Variants in BRAF observed in about 807,000 individuals in gnomAD.
The protein encoded by BRAF is B-Raf proto-oncogene, serine/threonine kinase, also known as serine/threonine-protein kinase B-raf.
Under a neutral mutation model 104.6 loss-of-function variants are expected in BRAF, and 16 were observed. The observed-to-expected ratio is 0.15, with a 90% CI of 0.10 to 0.23. The LOEUF is 0.23. BRAF is among the 10% of genes least tolerant of loss of function. The probability of loss-of-function intolerance (pLI) is 1.00; values close to 1 mark genes in which losing one functional copy is unlikely to be tolerated. For synonymous variants in BRAF, 310 were observed against 341.6 expected (o/e 0.91, Z 1.02); for missense variants, 541 against 937.3 (o/e 0.58, Z 5.52).
Position 140,721,813 on chromosome 7 carries a change from A to T in BRAF, c.*4681T>A. 7.1e-7 allele frequency: 1 copy of T among 1,401,322 alleles called. No homozygotes were observed. Among genetic ancestry groups the T allele is most frequent in the Admixed American group, 2.9e-5 (1 of 35,074 alleles). The allele number at this position is 1,401,322 out of a possible 1,614,324, so 86.8% of individuals were successfully genotyped here. On this transcript the variant is annotated 3_prime_UTR_variant, in exon 20 of 20. Coordinates refer to ENST00000644969, the MANE Select transcript of BRAF (RefSeq NM_001374258.1). ...CTTTTACATCCAATGGCCAGGTCAT[A>T]AAGGATGCCTTGAGACCTCCACCCT...
At chr7:140,761,385 G>C (rs1798712909) in intron 14 of BRAF, among the ~76,000 whole-genome samples, 1 of 152,000 alleles carries the variant, frequency 6.6e-6, no homozygotes, top group East Asian at 1.9e-4. Context: ...ACTCCTGAAG[G>C]AAGCACTAAA....
At chr7:140,775,322 T>C (rs1800233454) in intron 14 of BRAF, among the ~76,000 whole-genome samples, 1 of 152,044 alleles carries the variant, frequency 6.6e-6, no homozygotes, top group Admixed American at 6.6e-5. Flanking sequence ...ATCTTTGCCA[T>C]GGTTTACTCT....
At chr7:140,856,256 T>A (rs530819345) in intron 1 of BRAF, among the ~76,000 whole-genome samples, 3 of 151,700 alleles carry the variant, frequency 2.0e-5, no homozygotes, top group African/African-American at 7.2e-5. Flanking sequence ...AAGGTGGGGT[T>A]GGGGGAGGAA....
Position 140,725,798 on chromosome 7 carries a change from CCT to C in BRAF, c.*694_*695del, listed in dbSNP as rs1795568744. Reference sequence around the variant, plus strand: ...TCTAGCCTGCTTGGTTAGACAGACCCCTCAGTGAGCAAGGAAACAAAAGGCCA... The same window carrying C: ...TCTAGCCTGCTTGGTTAGACAGACCCCAGTGAGCAAGGAAACAAAAGGCCA... On this transcript the variant is annotated 3_prime_UTR_variant, in exon 20 of 20. Coordinates refer to ENST00000644969, the MANE Select transcript of BRAF (RefSeq NM_001374258.1). 2 of 1,063,350 alleles carry C rather than the reference CCT, an allele frequency of 1.9e-6. No homozygotes were observed. The highest frequency in any genetic ancestry group is 1.0e-4 in the East Asian group (2 of 19,818). 65.9% of individuals were successfully genotyped at this position (1,063,350 alleles called of 1,614,324 possible).
At chr7:140,776,731 C>T (rs954306843) in intron 14 of BRAF, among the ~76,000 whole-genome samples, 181 bp downstream of exon 13, 2 of 152,160 alleles carry the variant, frequency 1.3e-5, no homozygotes, top group African/African-American at 2.4e-5. Flanking sequence ...GTTCTGAAGG[C>T]TGCACTAGAC....
intron 14 of BRAF, among the ~76,000 whole-genome samples, chr7:140,763,623 C>T (rs1466520492): frequency 6.6e-6 from 1 of 152,154 alleles, no homozygotes; most frequent in Admixed American, 6.5e-5. Context: ...ATATCACCAC[C>T]AATCCCACAG....
chr7:140,761,916 T>A (rs1798778049), intron 14 of BRAF, among the ~76,000 whole-genome samples: 1 of 152,116 alleles, frequency 6.6e-6, no homozygotes, highest in Non-Finnish European at 1.5e-5. Context: ...ACAAAGAGAC[T>A]TAGACTCCCA....
chr7:140,920,863 A>C (rs1818142140), intron 1 of BRAF, among the ~76,000 whole-genome samples: 1 of 152,234 alleles, frequency 6.6e-6, no homozygotes, highest in African/African-American at 2.4e-5. Flanking sequence ...GCACCTGTGA[A>C]TATATCTGTA....
Position 140,721,221 on chromosome 7 carries a change from TAAC to T in BRAF, c.*5270_*5272del, listed in dbSNP as rs1488968163. The T allele has an allele frequency of 9.2e-7, 1 of 1,086,950 alleles. No homozygotes were observed. The highest frequency in any genetic ancestry group is 1.1e-6 in the Non-Finnish European group (1 of 894,132). The allele number at this position is 1,086,950 out of a possible 1,614,324, so 67.3% of individuals were successfully genotyped here. On this transcript the variant is annotated 3_prime_UTR_variant, in exon 20 of 20. Coordinates refer to ENST00000644969, the MANE Select transcript of BRAF (RefSeq NM_001374258.1). Reference sequence around the variant, plus strand: ...AGCTGATTTAGTAATTAATAAAACTTAACAGTTGAAGTTGTGGATGTTAAATAA... The same window carrying T: ...AGCTGATTTAGTAATTAATAAAACTTAGTTGAAGTTGTGGATGTTAAATAA...
intron 1 of BRAF, among the ~76,000 whole-genome samples, chr7:140,879,485 T>G (rs1460332238): frequency 6.7e-6 from 1 of 148,574 alleles, no homozygotes; most frequent in East Asian, 2.0e-4. Context: ...CGGCCCACAA[T>G]TTTTAAATTA....
intron 10 of BRAF, 143 bp from the exon 10 acceptor site, chr7:140,783,300 A>C: frequency 1.0e-6 from 1 of 964,344 alleles, no homozygotes. Flanking sequence ...AGGATGGGCC[A>C]AAAAGGGGCC....
chr7:140,761,435 T>C (rs904431812), intron 14 of BRAF, among the ~76,000 whole-genome samples: 50 of 152,018 alleles, frequency 3.3e-4, no homozygotes, highest in African/African-American at 1.2e-3. Context: ...TGCAAAATCA[T>C]GCCAAAATGT....
rs566526425 is a variant in BRAF at position 140,910,399 on chromosome 7, G to A, written c.138+14167C>T. The stretch of plus-strand genomic sequence containing the variant: ...GTCTTCTTGATCTGTTATCCACTTT[G>A]GTGGTTAATCACGTGCTGCCATATG... On this transcript the variant is annotated intron_variant, in intron 1 of 19. Coordinates refer to ENST00000644969, the MANE Select transcript of BRAF (RefSeq NM_001374258.1). 1.1e-4 allele frequency among the ~76,000 whole-genome samples: 16 copies of A among 152,272 alleles called. No individual in the cohort carries two copies. In the South Asian group the frequency reaches 1.5e-3, roughly 14 times the overall value.
At chr7:140,921,812 A>C (rs1361867934) in intron 1 of BRAF, among the ~76,000 whole-genome samples, 1 of 151,886 alleles carries the variant, frequency 6.6e-6, no homozygotes, top group Non-Finnish European at 1.5e-5. Flanking sequence ...AAAAAAAAAA[A>C]ACCTACATTT....
intron 3 of BRAF, among the ~76,000 whole-genome samples, chr7:140,819,341 A>G (rs1224133723): frequency 6.6e-6 from 1 of 152,226 alleles, no homozygotes; most frequent in Non-Finnish European, 1.5e-5. Flanking sequence ...ATACCATTTC[A>G]TACCCATTAG....
At chr7:140,749,198 C>T (rs904122221) in intron 17 of BRAF, 89 bp downstream of exon 16, 36 of 1,558,760 alleles carry the variant, frequency 2.3e-5, no homozygotes, top group Non-Finnish European at 3.0e-5. Context: ...CTATCCTTCA[C>T]GCTTACCCAG....
rs189812087 is a variant in BRAF at position 140,903,136 on chromosome 7, G to A, written c.138+21430C>T. Among the ~76,000 whole-genome samples the A allele has an allele frequency of 3.3e-5, 5 of 151,992 alleles. No individual in the cohort carries two copies. The East Asian group carries it at 9.7e-4, about 29-fold the overall frequency. On this transcript the variant is annotated intron_variant, in intron 1 of 19. Coordinates refer to ENST00000644969, the MANE Select transcript of BRAF (RefSeq NM_001374258.1). Reference sequence around the variant, plus strand: ...AGACAGGGTTTCTCCATGTTGGCCAGGCTGGTCTTGAACTCCCGGCCTCAG... The same window carrying A: ...AGACAGGGTTTCTCCATGTTGGCCAAGCTGGTCTTGAACTCCCGGCCTCAG...
chr7:140,713,573 G>A, the BRAF span, among the ~76,000 whole-genome samples: 3 of 152,074 alleles, frequency 2.0e-5, no homozygotes, highest in African/African-American at 7.2e-5. Context: ...CCTGTAGCTC[G>A]GAGTAGTTTG....
chr7:140,739,732 C>G (rs1796751570), intron 18 of BRAF, 80 bp downstream of exon 17: 2 of 1,529,520 alleles, frequency 1.3e-6, no homozygotes, highest in South Asian at 1.1e-5. Context: ...GAAATACACA[C>G]TGTGTGCCCA....
Sources: gnomAD v4.1 joint callset for allele counts (sites outside exome capture counted in the v4.1 genomes callset) on GRCh38, gnomAD v4.1.1 for gene constraint, MANE v1.5 for transcripts, NCBI Gene and HGNC (gene_info 2026-07-23, HGNC 2026-07-21) for gene names.